PNPLA7: variants seen among roughly 807,000 people sequenced by gnomAD.
The protein encoded by PNPLA7 is patatin like domain 7, lysophospholipase, also known as patatin-like phospholipase domain-containing protein 7.
In PNPLA7, 153 loss-of-function variants were observed where a neutral mutation model predicts 161.7. That is an observed-to-expected ratio of 0.95 (90% CI 0.83 to 1.08). The LOEUF is 1.08. PNPLA7 is among the 50% of genes least tolerant of loss of function. PNPLA7 has a pLI of 0.00. For synonymous variants in PNPLA7, 809 were observed against 782.1 expected (o/e 1.03, Z -0.57); for missense variants, 1,739 against 1,856.6 (o/e 0.94, Z 1.16).
At position 137,550,218 on chromosome 9, in the gene PNPLA7, G is replaced by A. The variant is rs1836777915; in HGVS notation, c.-21C>T. Reference sequence around the variant, plus strand: ...TCCATGGCCAGAAACAGAAAAAACAGTCAGGGGCGAAAAGCAGACAGCCTG... The same window carrying A: ...TCCATGGCCAGAAACAGAAAAAACAATCAGGGGCGAAAAGCAGACAGCCTG... On this transcript the variant is annotated 5_prime_UTR_variant, in exon 1 of 35. Transcript: ENST00000406427. 3.1e-6 allele frequency: 5 copies of A among 1,613,058 alleles called. No homozygotes were observed. Among genetic ancestry groups the A allele is most frequent in the Non-Finnish European group, 4.2e-6 (5 of 1,179,876 alleles).
intron 12 of PNPLA7, among the ~76,000 whole-genome samples, chr9:137,512,851 T>G (rs1188838888): frequency 1.3e-5 from 2 of 150,614 alleles, no homozygotes; most frequent in Non-Finnish European, 3.0e-5. Flanking sequence ...TACTCCCAAC[T>G]ACTCAGGAGG....
intron 4 of PNPLA7, 86 bp downstream of exon 4, chr9:137,546,744 G>A (rs1010487768): frequency 1.6e-6 from 2 of 1,283,756 alleles, no homozygotes; most frequent in South Asian, 1.2e-5. Context: ...TGCCCAGCCT[G>A]GGGGAGCCCA....
At chr9:137,491,843 A>G (rs935976564) in intron 20 of PNPLA7, 6 of 985,306 alleles carry the variant, frequency 6.1e-6, no homozygotes, top group Non-Finnish European at 7.2e-6. Context: ...CAGGTCATGC[A>G]ATGTGTCGGG....
At chr9:137,478,325 G>C in intron 24 of PNPLA7, 173 bp from the exon 25 acceptor site, 1 of 447,468 alleles carries the variant, frequency 2.2e-6, no homozygotes, top group Non-Finnish European at 3.7e-6. Context: ...CTCAGTGCCC[G>C]GACCGGGCCC....
At chr9:137,504,262 T>A (rs894914919) in intron 14 of PNPLA7, among the ~76,000 whole-genome samples, 1 of 152,000 alleles carries the variant, frequency 6.6e-6, no homozygotes, top group Non-Finnish European at 1.5e-5. Flanking sequence ...CCCAGGCTGG[T>A]GTGCAGTGGC....
chr9:137,505,223 T>A (rs1343918187), intron 14 of PNPLA7, among the ~76,000 whole-genome samples: 1 of 143,336 alleles, frequency 7.0e-6, no homozygotes, highest in African/African-American at 2.6e-5. Flanking sequence ...TTCCATCATA[T>A]GTAAGAAATT....
Position 137,500,244 on chromosome 9 carries a change from C to T in PNPLA7, c.1757+447G>A, listed in dbSNP as rs1269992744. 6.6e-6 allele frequency among the ~76,000 whole-genome samples: 1 copy of T among 152,272 alleles called. No individual in the cohort carries two copies. Among genetic ancestry groups the T allele is most frequent in the Non-Finnish European group, 1.5e-5 (1 of 68,048 alleles). On this transcript the variant is annotated intron_variant, in intron 16 of 34. Coordinates refer to ENST00000406427, the MANE Select transcript of PNPLA7 (RefSeq NM_001098537.3). This position sits in a 1 kb window ranked among gnomAD's most constrained non-coding sequence, Gnocchi z 5.5. ...CTCCCCCGAGCCAGAGACGCGTCCT[C>T]ACCCACTGCCTTGCCCTTCCACCTC...
chr9:137,496,515 C>T (rs1480526026), intron 18 of PNPLA7, among the ~76,000 whole-genome samples: 4 of 151,886 alleles, frequency 2.6e-5, no homozygotes, highest in Non-Finnish European at 4.4e-5. Flanking sequence ...AGTTGGAGAC[C>T]AGCCTGACCA....
intron 1 of PNPLA7, among the ~76,000 whole-genome samples, chr9:137,548,182 G>C (rs371010345): frequency 6.6e-6 from 1 of 152,250 alleles, no homozygotes; most frequent in Non-Finnish European, 1.5e-5. Flanking sequence ...AGGGAAGAGA[G>C]GGTGAGGGCA....
intron 25 of PNPLA7, among the ~76,000 whole-genome samples, chr9:137,475,653 C>A (rs1035624759): frequency 6.6e-6 from 1 of 150,628 alleles, no homozygotes; most frequent in Non-Finnish European, 1.5e-5. Flanking sequence ...GGATTACAGG[C>A]GTGAGCCACT....
intron 25 of PNPLA7, among the ~76,000 whole-genome samples, chr9:137,469,701 C>A (rs935708101): frequency 1.3e-5 from 2 of 152,014 alleles, no homozygotes; most frequent in Non-Finnish European, 2.9e-5. Flanking sequence ...AAGATAAGAG[C>A]ATAACTTAAA....
At chr9:137,464,102 GC>G (rs756736749) in intron 28 of PNPLA7, 23 bp downstream of exon 28, 1 of 1,610,930 alleles carries the variant, frequency 6.2e-7, no homozygotes, top group Non-Finnish European at 8.5e-7. Context: ...CCAAGCGGCC[GC>G]CCTGCGCAGC....
rs756023607 is a variant in PNPLA7 at position 137,515,437 on chromosome 9, C to G, written c.1167G>C (p.Gln389His). 6.9e-6 allele frequency: 11 copies of G among 1,603,016 alleles called. No homozygotes were observed. The highest frequency in any genetic ancestry group is 9.4e-6 in the Non-Finnish European group (11 of 1,175,982). ...HSVPAPSIRK[Q>H]ILEELEKPGA... ...CGGGCTTCTCCAGCTCCTCCAAGAT[C>G]TGTTTGCGAATGGAAGGCGCGGGGA... The change falls in exon 12 of 35, where the codon CAG (glutamine) becomes CAC (histidine). Residue 389 changes from glutamine to histidine, a missense_variant. By Grantham distance (24) the Gln-to-His change is conservative. Coordinates refer to ENST00000406427, the MANE Select transcript of PNPLA7 (RefSeq NM_001098537.3).
At chr9:137,514,875 T>C (rs1215999529) in intron 12 of PNPLA7, among the ~76,000 whole-genome samples, 4 of 149,614 alleles carry the variant, frequency 2.7e-5, no homozygotes, top group Non-Finnish European at 5.9e-5. Flanking sequence ...GTGGCTGGGC[T>C]GCAGGCGGGT....
Position 137,488,160 on chromosome 9 carries a change from G to A in PNPLA7, c.2198-3424C>T, listed in dbSNP as rs896465015. On this transcript the variant is annotated intron_variant, in intron 20 of 34. Transcript: ENST00000406427. ...CTCTCGTGGTCTGATGTCTCGTCCC[G>A]AGCTTCACTTGCAGTCTGATGTCTC... 3.9e-5 allele frequency among the ~76,000 whole-genome samples: 6 copies of A among 152,216 alleles called. No individual in the cohort carries two copies. The South Asian group carries it at 8.3e-4, about 21-fold the overall frequency.
In PNPLA7 at chr9:137,463,396, G is replaced by T. The variant is rs2275781; in HGVS notation, c.3343+19C>A. The T allele has an allele frequency of 3.2e-6, 5 of 1,581,772 alleles. No individual in the cohort carries two copies. Among genetic ancestry groups the T allele is most frequent in the Non-Finnish European group, 4.3e-6 (5 of 1,159,644 alleles). On this transcript the variant is annotated intron_variant, in intron 29 of 34. Coordinates refer to ENST00000406427, the MANE Select transcript of PNPLA7 (RefSeq NM_001098537.3). ...AGGAGCCTGTGCTCCTGCCGGGCGT[G>T]GTCCCCCCACCGCAGTACCTGGGAG... is the stretch of plus-strand genomic sequence containing the variant.
chr9:137,486,367 G>A lies in PNPLA7; in HGVS notation c.2198-1631C>T, dbSNP rs918470454. On this transcript the variant is annotated intron_variant, in intron 20 of 34. Coordinates refer to ENST00000406427, the MANE Select transcript of PNPLA7 (RefSeq NM_001098537.3). The surrounding 1 kb of genome is among the most constrained non-coding windows in gnomAD (Gnocchi z 6.0). The stretch of plus-strand genomic sequence containing the variant: ...CTGTGAACGGGGAACATGGCTCGGA[G>A]AACCAGCGCACAGCCGGCAATCATG... 6.6e-6 allele frequency among the ~76,000 whole-genome samples: 1 copy of A among 152,194 alleles called. No individual in the cohort carries two copies. The highest frequency in any genetic ancestry group is 1.5e-5 in the Non-Finnish European group (1 of 68,030).
chr9:137,477,941 C>A, intron 25 of PNPLA7, 93 bp downstream of exon 25: 1 of 1,058,954 alleles, frequency 9.4e-7, no homozygotes, highest in Non-Finnish European at 1.2e-6. Context: ...GGTGACACCC[C>A]CTGTCCCCCG....
chr9:137,472,813 C>T (rs540204481), intron 25 of PNPLA7, among the ~76,000 whole-genome samples: 32 of 149,328 alleles, frequency 2.1e-4, no homozygotes, highest in South Asian at 1.1e-3. Flanking sequence ...AAATTAGCCG[C>T]GTGTGGTGCC....
Sources: allele counts gnomAD v4.1 joint callset (sites outside exome capture counted in the v4.1 genomes callset), GRCh38; gene constraint gnomAD v4.1.1; non-coding constraint Gnocchi (gnomAD v3.1); transcripts MANE v1.5; gene names NCBI Gene and HGNC (gene_info 2026-07-23, HGNC 2026-07-21).